TYW1: variants seen among roughly 807,000 people sequenced by gnomAD.
TYW1 encodes the protein S-adenosyl-L-methionine-dependent tRNA 4-demethylwyosine synthase TYW1.
A neutral mutation model predicts 96.2 loss-of-function variants in TYW1; 46 were observed. That is an observed-to-expected ratio of 0.48 (90% confidence interval 0.38 to 0.61). The LOEUF (loss-of-function observed/expected upper bound fraction) is 0.61, where lower values mean the gene tolerates loss of function less well. Among genes scored for constraint, TYW1 ranks in the 20% least tolerant of loss-of-function variants. The pLI, the probability that TYW1 is intolerant of heterozygous loss-of-function variation, is 0.00. For synonymous variants in TYW1, 274 were observed against 323.0 expected, an observed-to-expected ratio of 0.85 and a Z score of 1.63; for missense variants, 684 against 909.6, an observed-to-expected ratio of 0.75 and a Z score of 3.19.
intron 12 of TYW1, among the ~76,000 whole-genome samples, chr7:67,101,078 G>A (rs1380335436): frequency 1.3e-5 from 2 of 152,048 alleles, no homozygotes; most frequent in Non-Finnish European, 2.9e-5. Context: ...GGGAGAGGTG[G>A]TGTGTGTCTG....
chr7:67,229,328 A>G (rs1801671887), intron 15 of TYW1, among the ~76,000 whole-genome samples: 1 of 152,094 alleles, frequency 6.6e-6, no homozygotes, highest in Non-Finnish European at 1.5e-5. Context: ...ACCTGAGGTC[A>G]GGAGTTTGAG....
chr7:67,039,796 G>A (rs1294543514), intron 7 of TYW1, among the ~76,000 whole-genome samples: 1 of 150,674 alleles, frequency 6.6e-6, no homozygotes, highest in African/African-American at 2.4e-5. Flanking sequence ...CTGAGTAGCT[G>A]GGACTACAGG....
chr7:67,215,151 CCA>C (rs1228070534), intron 15 of TYW1, among the ~76,000 whole-genome samples: 2 of 150,766 alleles, frequency 1.3e-5, no homozygotes, highest in African/African-American at 4.9e-5. Flanking sequence ...AACTATCAGG[CCA>C]CTCCTCACCT....
chr7:67,187,232 T>C (rs1370684095), intron 14 of TYW1, among the ~76,000 whole-genome samples: 1 of 151,970 alleles, frequency 6.6e-6, no homozygotes, highest in Non-Finnish European at 1.5e-5. Flanking sequence ...CTTGGCCAAT[T>C]TGTGTACTTT....
chr7:67,021,813 C>T (rs1167871094), intron 6 of TYW1, among the ~76,000 whole-genome samples: 1 of 152,206 alleles, frequency 6.6e-6, no homozygotes, highest in Non-Finnish European at 1.5e-5. Context: ...AAAGTAAATT[C>T]TCGACATGAG....
intron 11 of TYW1, among the ~76,000 whole-genome samples, chr7:67,096,815 A>G (rs1165902416): frequency 6.6e-6 from 1 of 151,966 alleles, no homozygotes; most frequent in African/African-American, 2.4e-5. Flanking sequence ...ATTTTTGCCT[A>G]TTTACACTCT....
intron 11 of TYW1, chr7:67,089,125 A>G: frequency 2.3e-6 from 1 of 427,028 alleles, no homozygotes. Context: ...CCCCAGGGAC[A>G]GGGGACCAGG....
intron 12 of TYW1, among the ~76,000 whole-genome samples, chr7:67,112,944 G>A (rs531193887): frequency 2.6e-5 from 4 of 152,280 alleles, no homozygotes; most frequent in African/African-American, 9.6e-5. Context: ...GGCAGGACAT[G>A]AGACCTGGCT....
chr7:67,211,822 T>C (rs981048049), intron 15 of TYW1, among the ~76,000 whole-genome samples: 1 of 152,230 alleles, frequency 6.6e-6, no homozygotes, highest in African/African-American at 2.4e-5. Context: ...TTGCCTCTAG[T>C]CTTGCAGACT....
intron 13 of TYW1, among the ~76,000 whole-genome samples, chr7:67,173,954 T>C (rs1416649383): frequency 1.4e-5 from 2 of 140,092 alleles, no homozygotes; most frequent in African/African-American, 5.5e-5. Context: ...GAATCAGCCT[T>C]ACCTACAGAT....
intron 15 of TYW1, among the ~76,000 whole-genome samples, chr7:67,218,078 C>T (rs1438441577): frequency 2.6e-5 from 4 of 151,418 alleles, no homozygotes; most frequent in African/African-American, 9.7e-5. Context: ...AGGCTGGTCT[C>T]GAACTCCTGA....
intron 7 of TYW1, among the ~76,000 whole-genome samples, chr7:67,039,143 C>T (rs1015402638): frequency 2.0e-5 from 3 of 151,898 alleles, no homozygotes; most frequent in African/African-American, 7.3e-5. Flanking sequence ...ATTTTGAAGC[C>T]CGGGAAGAGG....
At chr7:67,186,975 A>G (rs545034527) in intron 14 of TYW1, among the ~76,000 whole-genome samples, 2 of 152,176 alleles carry the variant, frequency 1.3e-5, no homozygotes, top group Admixed American at 1.3e-4. Context: ...ATAAGCAAAA[A>G]TCTATAAAAG....
At chr7:67,090,633 G>A (rs1280372893) in intron 11 of TYW1, among the ~76,000 whole-genome samples, 3 of 152,160 alleles carry the variant, frequency 2.0e-5, no homozygotes, top group Admixed American at 2.0e-4. Context: ...GAGTTTAGTT[G>A]TGAAAGGGTT....
intron 14 of TYW1, among the ~76,000 whole-genome samples, chr7:67,190,870 A>G (rs563719813): frequency 3.3e-5 from 5 of 152,356 alleles, no homozygotes; most frequent in African/African-American, 1.2e-4. Flanking sequence ...AGTTGGTTTA[A>G]TTAGAATATC....
chr7:67,209,722 G>A (rs760712740), intron 15 of TYW1, among the ~76,000 whole-genome samples: 8 of 151,978 alleles, frequency 5.3e-5, no homozygotes, highest in Non-Finnish European at 7.4e-5. Context: ...ACAAGCGCAC[G>A]CCACCACGCC....
intron 15 of TYW1, among the ~76,000 whole-genome samples, chr7:67,208,252 C>T (rs1800876071): frequency 6.6e-6 from 1 of 152,008 alleles, no homozygotes; most frequent in Non-Finnish European, 1.5e-5. Flanking sequence ...GCCTGGGAGA[C>T]AGTGGTTGCA....
chr7:67,021,563 C>A (rs1232485759), intron 6 of TYW1, among the ~76,000 whole-genome samples: 1 of 152,268 alleles, frequency 6.6e-6, no homozygotes, highest in Non-Finnish European at 1.5e-5. Flanking sequence ...GGCTCCTTTT[C>A]GTATTCCTAA....
chr7:67,178,123 C>A (rs2116285807), intron 13 of TYW1, among the ~76,000 whole-genome samples: 1 of 151,838 alleles, frequency 6.6e-6, no homozygotes, highest in African/African-American at 2.4e-5. Flanking sequence ...ATGCTTATGC[C>A]ACTGCACTCC....
Sources: allele counts gnomAD v4.1 joint callset (sites outside exome capture counted in the v4.1 genomes callset), GRCh38; gene constraint gnomAD v4.1.1; transcripts MANE v1.5; gene names NCBI Gene and HGNC (gene_info 2026-07-23, HGNC 2026-07-21).